ALKBH8: variants seen among roughly 807,000 people sequenced by gnomAD.
ALKBH8 encodes tRNA (carboxymethyluridine(34)-5-O)-methyltransferase ALKBH8.
In ALKBH8, 36 loss-of-function variants were observed where a neutral mutation model predicts 59.8. The ratio of observed to expected loss-of-function variants is 0.60; its 90% CI spans 0.46 to 0.79. The LOEUF is 0.79. Among genes scored for constraint, ALKBH8 ranks in the 30% least tolerant of loss-of-function variants. ALKBH8 has a pLI of 0.00. For synonymous variants in ALKBH8, 276 were observed against 273.6 expected (o/e 1.01, Z -0.09); for missense variants, 768 against 801.0 (o/e 0.96, Z 0.50).
intron 8 of ALKBH8, among the ~76,000 whole-genome samples, chr11:107,530,584 A>C (rs1591282977): frequency 9.8e-4 from 105 of 106,958 alleles, no homozygotes; most frequent in African/African-American, 1.6e-3. Context: ...CCATTTCCCC[A>C]TCTCTCTCTC....
In ALKBH8 at chr11:107,565,371, C is replaced by T. The variant is rs1397785279; in HGVS notation, c.-7+230G>A. ...GAAAACAGAAGATTGACACAGGCAC[C>T]ACGTGAGCGCCCGAACCAAACACAA... is the stretch of plus-strand genomic sequence containing the variant. On this transcript the variant is annotated intron_variant, in intron 1 of 11. Coordinates refer to ENST00000428149, the MANE Select transcript of ALKBH8 (RefSeq NM_138775.3). 5 of 601,064 alleles carry T rather than the reference C, an allele frequency of 8.3e-6. No individual in the cohort carries two copies. The East Asian group carries it at 8.5e-5, about 10-fold the overall frequency. The allele number at this position is 601,064 out of a possible 1,614,324, so 37.2% of individuals were successfully genotyped here. A position where few individuals can be genotyped will look rare whatever the true frequency, so the allele number is the denominator to read the frequency against.
intron 10 of ALKBH8, among the ~76,000 whole-genome samples, chr11:107,518,911 G>T (rs1862988622): frequency 1.3e-5 from 2 of 152,128 alleles, no homozygotes; most frequent in Admixed American, 6.6e-5. Flanking sequence ...AGCACCACTA[G>T]GTTAGGGTCT....
At chr11:107,544,816 CA>C (rs1864182272) in intron 7 of ALKBH8, among the ~76,000 whole-genome samples, 1 of 1,178 alleles carries the variant, frequency 8.5e-4, no homozygotes, top group Admixed American at 0.019. Context: ...AGATACAAAC[CA>C]CACACACACA....
intron 11 of ALKBH8, among the ~76,000 whole-genome samples, chr11:107,509,434 TCTC>T (rs1490027694): frequency 1.3e-5 from 2 of 152,336 alleles, no homozygotes; most frequent in East Asian, 1.9e-4. Context: ...GCAAATATTT[TCTC>T]CTATTTTGTG....
At chr11:107,507,442 G>A (rs935985908) in intron 11 of ALKBH8, among the ~76,000 whole-genome samples, 1 of 151,926 alleles carries the variant, frequency 6.6e-6, no homozygotes, top group Admixed American at 6.6e-5. Context: ...TTAAGGAGCT[G>A]GGAAATATCG....
chr11:107,508,340 C>CTTTTGTA (rs979007209), intron 11 of ALKBH8, among the ~76,000 whole-genome samples: 1 of 151,914 alleles, frequency 6.6e-6, no homozygotes, highest in Non-Finnish European at 1.5e-5. Flanking sequence ...ACCCAGATAA[C>CTTTTGTA]TTTTGTATTT....
rs143113950 is a variant in ALKBH8, at chr11:107,507,173, A to C, written c.1438-1958T>G. Among the ~76,000 whole-genome samples the C allele has an allele frequency of 1.8e-3, 273 of 152,356 alleles. 1 individual carries two copies. The highest frequency in any genetic ancestry group is 5.0e-3 in the East Asian group (26 of 5,192). On this transcript the variant is annotated intron_variant, in intron 11 of 11. Coordinates refer to ENST00000428149, the MANE Select transcript of ALKBH8 (RefSeq NM_138775.3). ...TAAGGCTGGCAATGAAAGAGAACTAAGATACATACAATATTTGATAAACAG... is the reference window on the plus strand; with the variant it reads ...TAAGGCTGGCAATGAAAGAGAACTACGATACATACAATATTTGATAAACAG...
chr11:107,560,924 A>C, intron 1 of ALKBH8, 25 bp from the exon 2 acceptor site: 1 of 1,594,178 alleles, frequency 6.3e-7, no homozygotes, highest in Non-Finnish European at 8.5e-7. Context: ...GACAGTAAAA[A>C]AGTCAACCTT....
intron 7 of ALKBH8, among the ~76,000 whole-genome samples, chr11:107,542,202 C>A (rs1166026964): frequency 6.6e-6 from 1 of 152,020 alleles, no homozygotes; most frequent in Admixed American, 6.6e-5. Flanking sequence ...ACTCAATCTA[C>A]AGATTCAAGA....
chr11:107,504,971 T>C lies in ALKBH8; in HGVS notation c.1682A>G (p.Asn561Ser). The part of the protein sequence containing the change: ...RDSASSVPRI[N>S]DSQEGGCNSR... ...ATTACATCCTCCTTCCTGAGAGTCATTAATGCGGGGGACAGAAGATGCCGA... is the reference window on the plus strand; with the variant it reads ...ATTACATCCTCCTTCCTGAGAGTCACTAATGCGGGGGACAGAAGATGCCGA... Residue 561 changes from asparagine (N) to serine (S), a missense_variant, in exon 12 of 12, where the codon AAT (asparagine) becomes AGT (serine). Physicochemically the swap from Asn to Ser is conservative, Grantham distance 46 (BLOSUM62 1). Coordinates refer to ENST00000428149, the MANE Select transcript of ALKBH8 (RefSeq NM_138775.3). 6.4e-7 allele frequency: 1 copy of C among 1,551,776 alleles called. No homozygotes were observed. Among genetic ancestry groups the C allele is most frequent in the Non-Finnish European group, 8.7e-7 (1 of 1,146,870 alleles).
At chr11:107,556,056 G>T (rs931345169) in intron 3 of ALKBH8, among the ~76,000 whole-genome samples, 2 of 152,144 alleles carry the variant, frequency 1.3e-5, no homozygotes, top group Non-Finnish European at 2.9e-5. Context: ...AAGGCAGGCG[G>T]ATTACGAGGT....
At chr11:107,507,243 G>A (rs1258894874) in intron 11 of ALKBH8, among the ~76,000 whole-genome samples, 1 of 152,106 alleles carries the variant, frequency 6.6e-6, no homozygotes, top group Non-Finnish European at 1.5e-5. Context: ...CTTAGATAAT[G>A]CCTTCCTTAA....
chr11:107,509,534 G>A (rs1411552126), intron 11 of ALKBH8, among the ~76,000 whole-genome samples: 1 of 151,834 alleles, frequency 6.6e-6, no homozygotes, highest in Non-Finnish European at 1.5e-5. Flanking sequence ...TTGTTTTGTT[G>A]CCTGTGCTTT....
intron 3 of ALKBH8, among the ~76,000 whole-genome samples, chr11:107,555,129 G>A (rs1015700757): frequency 2.6e-5 from 4 of 152,040 alleles, no homozygotes; most frequent in African/African-American, 4.8e-5. Flanking sequence ...CCGCAGTGGC[G>A]GGCACCTGTA....
At chr11:107,555,076 T>C (rs957294596) in intron 3 of ALKBH8, among the ~76,000 whole-genome samples, 1 of 151,840 alleles carries the variant, frequency 6.6e-6, no homozygotes, top group Admixed American at 6.6e-5. Flanking sequence ...TGGCTAACAC[T>C]GTAAAACCCC....
chr11:107,540,432 A>G (rs1863988833), intron 7 of ALKBH8, among the ~76,000 whole-genome samples: 1 of 152,250 alleles, frequency 6.6e-6, no homozygotes, highest in Non-Finnish European at 1.5e-5. Context: ...AATAAAAATA[A>G]AAGGCATCTT....
rs73551697 is a variant in ALKBH8 at position 107,510,848 on chromosome 11, T to C, written c.1437+39A>G. On this transcript the variant is annotated intron_variant, in intron 11 of 11. Coordinates refer to ENST00000428149, the MANE Select transcript of ALKBH8 (RefSeq NM_138775.3). ...AATTCATGAACTCTTCCTGCTGCTTTAGCTACAAGTTCTTAAGAGAAAGAA... is the reference window on the plus strand; with the variant it reads ...AATTCATGAACTCTTCCTGCTGCTTCAGCTACAAGTTCTTAAGAGAAAGAA... 2.7e-3 allele frequency: 4,196 copies of C among 1,541,916 alleles called. 74 individuals carry two copies. In the African/African-American group the frequency reaches 0.045, roughly 17 times the overall value.
chr11:107,516,896 C>T (rs940162785), intron 10 of ALKBH8, among the ~76,000 whole-genome samples: 1 of 152,008 alleles, frequency 6.6e-6, no homozygotes, highest in African/African-American at 2.4e-5. Flanking sequence ...TGTGGTGGTG[C>T]ATGCCTATAG....
At chr11:107,511,624 T>A (rs762335831) in intron 10 of ALKBH8, among the ~76,000 whole-genome samples, 8 of 152,178 alleles carry the variant, frequency 5.3e-5, no homozygotes, top group Non-Finnish European at 1.0e-4. Flanking sequence ...TTGCCCAGGC[T>A]GGAGTGCAAT....
Sources: gnomAD v4.1 joint callset for allele counts (sites outside exome capture counted in the v4.1 genomes callset) on GRCh38, gnomAD v4.1.1 for gene constraint, MANE v1.5 for transcripts, NCBI Gene and HGNC (gene_info 2026-07-23, HGNC 2026-07-21) for gene names.